Variants in NRCAM observed in about 807,000 individuals in gnomAD.
NRCAM encodes neuronal cell adhesion molecule, also known as NgCAM-related cell adhesion molecule.
A neutral mutation model predicts 156.5 loss-of-function variants in NRCAM; 83 were observed. The observed-to-expected ratio is 0.53, with a 90% CI of 0.44 to 0.64. The LOEUF is 0.64. Ranked by LOEUF, NRCAM falls within the 30% of genes least tolerant of loss-of-function variation. The pLI, the probability that NRCAM is intolerant of heterozygous loss-of-function variation, is 0.00. For missense variants in NRCAM, 1,417 were observed against 1,597.3 expected, an observed-to-expected ratio of 0.89 and a Z score of 1.92; for synonymous variants, 538 against 563.9, an observed-to-expected ratio of 0.95 and a Z score of 0.65.
At chr7:108,257,090 A>AG (rs1262601670) in intron 3 of NRCAM, among the ~76,000 whole-genome samples, 4 of 150,640 alleles carry the variant, frequency 2.7e-5, no homozygotes, top group Non-Finnish European at 1.5e-5. Context: ...AAGGAAGGAA[A>AG]GAAGGAAGGA....
At chr7:108,300,039 ACTG>A (rs1412084446) in intron 3 of NRCAM, among the ~76,000 whole-genome samples, 3 of 152,118 alleles carry the variant, frequency 2.0e-5, no homozygotes, top group Non-Finnish European at 4.4e-5. Context: ...ATAAATGGTG[ACTG>A]CTTTTACTAC....
At chr7:108,199,744 ATC>A (rs538324564) in intron 13 of NRCAM, among the ~76,000 whole-genome samples, 102 of 152,312 alleles carry the variant, frequency 6.7e-4, no homozygotes, top group Middle Eastern at 6.8e-3. Flanking sequence ...TAACCTCCCC[ATC>A]TCAAGGCCCT....
chr7:108,386,299 T>C (rs914415600), intron 2 of NRCAM, among the ~76,000 whole-genome samples: 2 of 152,162 alleles, frequency 1.3e-5, no homozygotes, highest in African/African-American at 2.4e-5. Context: ...TTATTAGTAA[T>C]TTAGAAACTT....
At chr7:108,372,198 C>A (rs994083064) in intron 2 of NRCAM, among the ~76,000 whole-genome samples, 2 of 152,036 alleles carry the variant, frequency 1.3e-5, no homozygotes, top group Non-Finnish European at 2.9e-5. Flanking sequence ...CTTATGCACA[C>A]AAAACCCCAT....
chr7:108,209,634 C>A (rs1216623743), intron 11 of NRCAM, 29 bp from the exon 12 acceptor site: 5 of 1,501,222 alleles, frequency 3.3e-6, no homozygotes, highest in Admixed American at 4.8e-5. Flanking sequence ...AATGATGTTA[C>A]AAAAAAGGAA....
chr7:108,216,226 G>A lies in NRCAM; in HGVS notation c.891-6621C>T, dbSNP rs569998317. On this transcript the variant is annotated intron_variant, in intron 11 of 32. Transcript: ENST00000379028. ...GTTGAAAATTCTTTTCTTTAAGAAT[G>A]TTGAATATTGGCCCCCACTTTCTTC... Among the ~76,000 whole-genome samples the A allele has an allele frequency of 3.7e-3, 556 of 152,294 alleles. 3 individuals carry two copies. The highest frequency in any genetic ancestry group is 6.4e-3 in the Non-Finnish European group (437 of 68,022).
intron 1 of NRCAM, among the ~76,000 whole-genome samples, chr7:108,430,872 T>C (rs746767251): frequency 1.1e-4 from 17 of 152,112 alleles, no homozygotes; most frequent in Non-Finnish European, 1.9e-4. Context: ...CAGCGTTTGG[T>C]AGCTGCTGAA....
At chr7:108,356,496 T>C (rs146011030) in intron 2 of NRCAM, among the ~76,000 whole-genome samples, 1 of 152,326 alleles carries the variant, frequency 6.6e-6, no homozygotes, top group African/African-American at 2.4e-5. Context: ...ATACCTTTTT[T>C]ACAAATGTCC....
chr7:108,203,449 G>T (rs201953143), intron 13 of NRCAM, among the ~76,000 whole-genome samples: 1 of 148,392 alleles, frequency 6.7e-6, no homozygotes, highest in Admixed American at 6.7e-5. Context: ...AATTTTTCCA[G>T]TTTTTTTTTT....
intron 11 of NRCAM, among the ~76,000 whole-genome samples, chr7:108,213,087 T>C (rs2085611554): frequency 6.6e-6 from 1 of 152,214 alleles, no homozygotes. Flanking sequence ...TGGGGCCCTA[T>C]CTTCAGCCTC....
intron 1 of NRCAM, among the ~76,000 whole-genome samples, chr7:108,443,333 A>G (rs1368611699): frequency 1.3e-5 from 2 of 152,224 alleles, no homozygotes; most frequent in African/African-American, 4.8e-5. Flanking sequence ...AGACATCATA[A>G]AGGACCAGCT....
chr7:108,191,172 T>C, intron 19 of NRCAM, 82 bp downstream of exon 19: 11 of 1,160,518 alleles, frequency 9.5e-6, no homozygotes, highest in South Asian at 4.3e-5. Context: ...TTATGTGACA[T>C]AGAAAAGAAA....
intron 2 of NRCAM, among the ~76,000 whole-genome samples, chr7:108,364,948 A>G (rs1299369356): frequency 1.3e-5 from 2 of 152,166 alleles, no homozygotes; most frequent in African/African-American, 4.8e-5. Context: ...TGCACTTTCA[A>G]AGGTGAAATG....
chr7:108,385,906 A>G (rs2099739225), intron 2 of NRCAM, among the ~76,000 whole-genome samples: 1 of 142,710 alleles, frequency 7.0e-6, no homozygotes, highest in South Asian at 2.3e-4. Context: ...CTATGGAGAG[A>G]GAGGGAGGGA....
intron 2 of NRCAM, among the ~76,000 whole-genome samples, chr7:108,329,250 C>T (rs949862643): frequency 6.6e-6 from 1 of 151,954 alleles, no homozygotes; most frequent in Non-Finnish European, 1.5e-5. Context: ...TACCTAAGTA[C>T]ACAAATAAAT....
intron 1 of NRCAM, among the ~76,000 whole-genome samples, chr7:108,432,415 A>G (rs539895461): frequency 1.3e-5 from 2 of 152,264 alleles, no homozygotes; most frequent in Non-Finnish European, 2.9e-5. Flanking sequence ...AAGCAGGAGC[A>G]TAAGCATAAG....
At chr7:108,288,162 T>A (rs1738788399) in intron 3 of NRCAM, among the ~76,000 whole-genome samples, 1 of 152,118 alleles carries the variant, frequency 6.6e-6, no homozygotes, top group African/African-American at 2.4e-5. Context: ...CACATGTTCT[T>A]ACTTTCAAGT....
rs1366555374 is a variant in NRCAM, at chr7:108,166,999, T to A, written c.3388A>T (p.Thr1130Ser). Residue 1130 changes from threonine (T) to serine (S), a missense_variant, in exon 30 of 33, where the codon ACA becomes TCA. Transcript: ENST00000379028. The part of the protein sequence containing the change: ...FFGLKGLMPG[T>S]AYKVRVGAVG... ...GCACCAACTCGAACTTTGTATGCTG[T>A]TCCTGGCATTAGACCCTTTAACCCA... 5.6e-6 allele frequency: 9 copies of A among 1,613,932 alleles called. No homozygotes were observed. The highest frequency in any genetic ancestry group is 5.9e-6 in the Non-Finnish European group (7 of 1,179,826).
intron 7 of NRCAM, among the ~76,000 whole-genome samples, chr7:108,232,030 A>C (rs1360226186): frequency 1.3e-5 from 2 of 152,182 alleles, no homozygotes; most frequent in East Asian, 3.8e-4. Context: ...TCACTTTCAC[A>C]GGAGATACAT....
Sources: gnomAD v4.1 joint callset for allele counts (sites outside exome capture counted in the v4.1 genomes callset) on GRCh38, gnomAD v4.1.1 for gene constraint, MANE v1.5 for transcripts, NCBI Gene and HGNC (gene_info 2026-07-23, HGNC 2026-07-21) for gene names.